Variants in ZFHX3 observed in about 807,000 individuals in gnomAD.
ZFHX3 encodes zinc finger homeobox protein 3.
In ZFHX3, 42 loss-of-function variants were observed where a neutral mutation model predicts 279.1. The ratio of observed to expected loss-of-function variants is 0.15; its 90% CI spans 0.12 to 0.19. ZFHX3 has a LOEUF of 0.19. Among genes scored for constraint, ZFHX3 ranks in the 10% least tolerant of loss-of-function variants. ZFHX3 has a pLI of 1.00. For synonymous variants in ZFHX3, 2,293 were observed against 1,957.8 expected (o/e 1.17, Z -4.52); for missense variants, 4,981 against 4,754.0 (o/e 1.05, Z -1.40).
chr16:73,170,489 C>T (rs1457817413), intron 5 of ZFHX3, among the ~76,000 whole-genome samples: 4 of 152,092 alleles, frequency 2.6e-5, no homozygotes, highest in Non-Finnish European at 5.9e-5. Context: ...CTCGGCCTCT[C>T]AAAGTGCTGG....
intron 1 of ZFHX3, among the ~76,000 whole-genome samples, chr16:73,053,610 C>G (rs1163560356): frequency 6.6e-6 from 1 of 152,018 alleles, no homozygotes; most frequent in East Asian, 1.9e-4. Context: ...ATGAAAATAC[C>G]AGGGCGAGTG....
intron 1 of ZFHX3, among the ~76,000 whole-genome samples, chr16:73,744,067 A>G (rs56230305): frequency 0.059 from 9,055 of 152,290 alleles, 730 homozygotes; most frequent in African/African-American, 0.18. Context: ...ACCACATTGC[A>G]TGTGATGCCA....
At chr16:72,825,938 C>T (rs572284316) in intron 5 of ZFHX3, among the ~76,000 whole-genome samples, 13 of 152,250 alleles carry the variant, frequency 8.5e-5, no homozygotes, top group Non-Finnish European at 1.8e-4. Flanking sequence ...AAGTTCCATT[C>T]GACAGCACTG....
chr16:73,311,537 C>G (rs1308946783), intron 4 of ZFHX3, among the ~76,000 whole-genome samples: 1 of 139,500 alleles, frequency 7.2e-6, no homozygotes, highest in Non-Finnish European at 1.5e-5. Flanking sequence ...TTGCAGTGAG[C>G]TGAGATTATG....
Position 73,511,329 on chromosome 16 carries a change from C to T in ZFHX3, c.-1546-55071G>A, listed in dbSNP as rs536250114. On this transcript the variant is annotated intron_variant, in intron 2 of 17. Transcript: ENST00000641206. ...TGACCTCACTCCTATCATCTGAGAT[C>T]ACTTCCCCTATCAGTCCCCTGCTCT... Among the ~76,000 whole-genome samples, 16 of 152,308 alleles carry T rather than the reference C, an allele frequency of 1.1e-4. No homozygotes were observed. In the South Asian group the frequency reaches 3.1e-3, roughly 30 times the overall value.
chr16:73,309,565 G>T (rs2015274128), intron 4 of ZFHX3, among the ~76,000 whole-genome samples: 3 of 152,160 alleles, frequency 2.0e-5, no homozygotes, highest in African/African-American at 7.2e-5. Context: ...TGTGGGAAGC[G>T]ACAGATGAGA....
intron 4 of ZFHX3, among the ~76,000 whole-genome samples, chr16:72,830,866 G>A (rs939708500): frequency 2.0e-5 from 3 of 152,180 alleles, no homozygotes; most frequent in Admixed American, 6.5e-5. Context: ...AAATTATTAG[G>A]AGGCTGTGAA....
Position 72,796,304 on chromosome 16 carries a change from C to T in ZFHX3, c.6378G>A (p.Ala2126=), listed in dbSNP as rs201417020. The change falls in exon 9 of 10, where the codon GCG becomes GCA. Residue 2126 remains alanine, a synonymous_variant. Transcript: ENST00000268489. ...PQLGPVEPLP[A]DLAQLYQHQL... is the part of the protein sequence containing the mutation. ...GATGCTGGTAGAGTTGGGCCAGGTC[C>T]GCAGGCAGAGGCTCCACAGGTCCCA... 25 of 1,613,942 alleles carry T rather than the reference C, an allele frequency of 1.5e-5. No homozygotes were observed. Among genetic ancestry groups the T allele is most frequent in the Non-Finnish European group, 1.9e-5 (23 of 1,180,028 alleles).
At chr16:73,596,826 T>TA (rs1447843759) in intron 2 of ZFHX3, among the ~76,000 whole-genome samples, 2 of 152,198 alleles carry the variant, frequency 1.3e-5, no homozygotes, top group Non-Finnish European at 2.9e-5. Context: ...CTATAGTCCT[T>TA]AGTGTCTAGC....
intron 1 of ZFHX3, among the ~76,000 whole-genome samples, chr16:73,844,857 G>C (rs918615419): frequency 8.0e-6 from 1 of 125,192 alleles, no homozygotes; most frequent in Non-Finnish European, 1.5e-5. Flanking sequence ...TAGATGGATA[G>C]GTAGGTAGGT....
chr16:73,021,242 G>A (rs530835079), intron 1 of ZFHX3, among the ~76,000 whole-genome samples: 113 of 152,300 alleles, frequency 7.4e-4, no homozygotes, highest in Non-Finnish European at 1.1e-3. Context: ...AACGGGGCTC[G>A]AGGTTCTGGG....
At chr16:72,832,830 G>A (rs560641049) in intron 4 of ZFHX3, among the ~76,000 whole-genome samples, 1 of 152,372 alleles carries the variant, frequency 6.6e-6, no homozygotes, top group African/African-American at 2.4e-5. Flanking sequence ...AATAATATAT[G>A]TCTTCAAGTG....
chr16:73,073,332 G>A (rs1483145880), intron 8 of ZFHX3, among the ~76,000 whole-genome samples: 1 of 152,194 alleles, frequency 6.6e-6, no homozygotes, highest in Non-Finnish European at 1.5e-5. Flanking sequence ...ACAGCAGGGA[G>A]GGGTGTGGTG....
At chr16:72,806,300 G>A (rs1300241567) in intron 7 of ZFHX3, among the ~76,000 whole-genome samples, 1 of 152,188 alleles carries the variant, frequency 6.6e-6, no homozygotes, top group African/African-American at 2.4e-5. Flanking sequence ...TTTTGAAACT[G>A]AGGATGAGAA....
At chr16:73,574,689 A>T (rs1041849844) in intron 2 of ZFHX3, among the ~76,000 whole-genome samples, 25 of 151,972 alleles carry the variant, frequency 1.6e-4, no homozygotes, top group South Asian at 6.2e-4. Context: ...GCAGGTCTTC[A>T]TCACCTCTGT....
intron 4 of ZFHX3, among the ~76,000 whole-genome samples, chr16:73,299,423 T>C (rs760270969): frequency 2.6e-5 from 4 of 152,178 alleles, no homozygotes; most frequent in Admixed American, 6.5e-5. Flanking sequence ...TTAATTTGAA[T>C]TTAAAATCCC....
At chr16:73,273,560 A>T (rs1290433077) in intron 4 of ZFHX3, among the ~76,000 whole-genome samples, 3 of 152,200 alleles carry the variant, frequency 2.0e-5, no homozygotes, top group Non-Finnish European at 4.4e-5. Context: ...CAAAGGACTC[A>T]TACTGAACCA....
rs148082541 is a variant in ZFHX3, at chr16:73,815,850, C to T, written c.-1608+75801G>A. The T allele has an allele frequency of 7.1e-3, 1,086 of 152,294 alleles. 19 individuals are homozygous for T. Among genetic ancestry groups the T allele is most frequent in the African/African-American group, 0.025 (1,038 of 41,546 alleles). 9.4% of individuals were successfully genotyped at this position (152,294 alleles called of 1,614,324 possible). Reference sequence around the variant, plus strand: ...AAAGTGTTGGGATTACAGGTGTGAGCCACTGCACCCATTTTCTAATCTCCA... The same window carrying T: ...AAAGTGTTGGGATTACAGGTGTGAGTCACTGCACCCATTTTCTAATCTCCA... On this transcript the variant is annotated intron_variant, in intron 1 of 17. Transcript: ENST00000641206.
chr16:73,020,765 G>T (rs1355094042), intron 1 of ZFHX3, among the ~76,000 whole-genome samples: 2 of 152,228 alleles, frequency 1.3e-5, no homozygotes, highest in Non-Finnish European at 2.9e-5. Flanking sequence ...GCACGGGCAT[G>T]GTTGTTGGAC....
Sources: gnomAD v4.1 joint callset for allele counts (sites outside exome capture counted in the v4.1 genomes callset) on GRCh38, gnomAD v4.1.1 for gene constraint, MANE v1.5 for transcripts, NCBI Gene and HGNC (gene_info 2026-07-23, HGNC 2026-07-21) for gene names.